Variants in TTC28 observed in about 807,000 individuals in gnomAD.
The protein encoded by TTC28 is tetratricopeptide repeat protein 28.
TTC28 carries 61 observed loss-of-function variants against 198.0 expected under a neutral mutation model. That is an observed-to-expected ratio of 0.31 (90% confidence interval 0.25 to 0.38). TTC28 has a LOEUF of 0.38. Among genes scored for constraint, TTC28 ranks in the 10% least tolerant of loss-of-function variants. The probability of loss-of-function intolerance (pLI) is 1.00; values close to 1 mark genes in which losing one functional copy is unlikely to be tolerated. For synonymous variants in TTC28, 1,171 were observed against 1,297.8 expected (o/e 0.90, Z 2.10); for missense variants, 2,678 against 3,164.0 (o/e 0.85, Z 3.69).
At chr22:28,151,952 C>T (rs1296849276) in intron 6 of TTC28, among the ~76,000 whole-genome samples, 1 of 152,194 alleles carries the variant, frequency 6.6e-6, no homozygotes, top group East Asian at 1.9e-4. Flanking sequence ...CTTGTCTATG[C>T]CTCTCAAGTA....
chr22:28,181,639 C>T (rs540913537), intron 5 of TTC28, among the ~76,000 whole-genome samples: 3 of 152,260 alleles, frequency 2.0e-5, no homozygotes, highest in Non-Finnish European at 4.4e-5. Context: ...CTGCTACTTC[C>T]TCCTGAAGGA....
intron 2 of TTC28, among the ~76,000 whole-genome samples, chr22:28,327,934 AC>A (rs1407974384): frequency 6.6e-6 from 1 of 152,244 alleles, no homozygotes; most frequent in Non-Finnish European, 1.5e-5. Flanking sequence ...TATGTGCCTG[AC>A]AGCTCAGTGG....
intron 2 of TTC28, among the ~76,000 whole-genome samples, chr22:28,518,482 G>A (rs2048835944): frequency 6.6e-6 from 1 of 152,072 alleles, no homozygotes; most frequent in South Asian, 2.1e-4. Flanking sequence ...CAGGGATGGT[G>A]GCACACACCT....
chr22:28,633,519 T>C (rs2051214762), intron 1 of TTC28, among the ~76,000 whole-genome samples: 1 of 151,806 alleles, frequency 6.6e-6, no homozygotes, highest in East Asian at 1.9e-4. Flanking sequence ...TCCCAGCTAC[T>C]TGGGAGACTG....
At chr22:27,992,778 G>T in intron 18 of TTC28, 115 bp from the exon 19 acceptor site, 1 of 918,414 alleles carries the variant, frequency 1.1e-6, no homozygotes, top group Non-Finnish European at 1.6e-6. Context: ...TTTTTCAGAA[G>T]CTCAGCACAG....
At chr22:28,158,458 C>G (rs1943804903) in intron 6 of TTC28, among the ~76,000 whole-genome samples, 1 of 152,096 alleles carries the variant, frequency 6.6e-6, no homozygotes, top group Non-Finnish European at 1.5e-5. Flanking sequence ...CCAAAGCTAT[C>G]CTAAGGAAAA....
At position 28,393,128 on chromosome 22, in the gene TTC28, C is replaced by T. The variant is rs149100362; in HGVS notation, c.382-86485G>A. 6.4e-3 allele frequency among the ~76,000 whole-genome samples: 970 copies of T among 152,142 alleles called. 10 individuals carry two copies. The highest frequency in any genetic ancestry group is 0.048 in the Middle Eastern group (14 of 294). On this transcript the variant is annotated intron_variant, in intron 2 of 22. Coordinates refer to ENST00000397906, the MANE Select transcript of TTC28 (RefSeq NM_001145418.2). ...AAACTCCTGGGCTCAAGCAATCCTC[C>T]GACCTTGGCCTCTCAAAATGCTGGG...
chr22:28,341,382 G>T (rs948886156), intron 2 of TTC28, among the ~76,000 whole-genome samples: 5 of 152,088 alleles, frequency 3.3e-5, no homozygotes, highest in Non-Finnish European at 5.9e-5. Context: ...TTTTTGGCTG[G>T]GGGTAATGCC....
intron 12 of TTC28, among the ~76,000 whole-genome samples, chr22:28,043,581 G>A (rs1317870738): frequency 1.3e-5 from 2 of 152,124 alleles, no homozygotes; most frequent in Non-Finnish European, 2.9e-5. Context: ...GCTGAGCAGT[G>A]ATGAGAACCA....
chr22:28,249,706 C>CGTT (rs1930376897), intron 5 of TTC28, among the ~76,000 whole-genome samples: 2 of 152,234 alleles, frequency 1.3e-5, no homozygotes, highest in South Asian at 4.1e-4. Flanking sequence ...ATGCCCTCCA[C>CGTT]GTTGCCTTGA....
At chr22:28,419,665 A>C (rs557828314) in intron 2 of TTC28, among the ~76,000 whole-genome samples, 2 of 152,240 alleles carry the variant, frequency 1.3e-5, no homozygotes, top group Non-Finnish European at 2.9e-5. Flanking sequence ...TGGTATGTCT[A>C]CATGCTAATT....
chr22:28,008,390 CAT>C (rs1482354320), intron 14 of TTC28: 3 of 152,222 alleles, frequency 2.0e-5, no homozygotes, highest in East Asian at 1.9e-4. Context: ...GCCTAACAGA[CAT>C]AAACAAGTTT....
intron 2 of TTC28, among the ~76,000 whole-genome samples, chr22:28,456,150 C>G (rs1028990459): frequency 6.8e-6 from 1 of 146,356 alleles, no homozygotes; most frequent in Non-Finnish European, 1.5e-5. Flanking sequence ...CAGTGCGAGA[C>G]TCTGTCTCAG....
intron 2 of TTC28, among the ~76,000 whole-genome samples, chr22:28,535,032 CAT>C (rs1254330243): frequency 3.3e-5 from 5 of 151,948 alleles, no homozygotes; most frequent in Admixed American, 6.6e-5. Flanking sequence ...ACATTGTACA[CAT>C]GTGTACACCC....
intron 6 of TTC28, among the ~76,000 whole-genome samples, chr22:28,136,215 G>A (rs1288333118): frequency 6.6e-6 from 1 of 152,140 alleles, no homozygotes; most frequent in Non-Finnish European, 1.5e-5. Context: ...TGTGATCATA[G>A]CTCATTCTAG....
At chr22:28,430,354 C>T (rs540619945) in intron 2 of TTC28, among the ~76,000 whole-genome samples, 1 of 152,188 alleles carries the variant, frequency 6.6e-6, no homozygotes, top group Admixed American at 6.5e-5. Context: ...TTTGGAAATA[C>T]AGGAGAGATT....
chr22:28,460,342 A>T lies in TTC28; in HGVS notation c.382-153699T>A, dbSNP rs539113885. Among the ~76,000 whole-genome samples, 10 of 152,240 alleles carry T rather than the reference A, an allele frequency of 6.6e-5. No homozygotes were observed. In the South Asian group the frequency reaches 2.1e-3, roughly 32 times the overall value. ...TATATTGTGGTAAAAATGCAAGGAG[A>T]TAGAAGGATATAAAATAAAAATTAA... On this transcript the variant is annotated intron_variant, in intron 2 of 22. Coordinates refer to ENST00000397906, the MANE Select transcript of TTC28 (RefSeq NM_001145418.2).
chr22:28,655,086 C>A (rs1402556922), intron 1 of TTC28, among the ~76,000 whole-genome samples: 1 of 152,112 alleles, frequency 6.6e-6, no homozygotes, highest in African/African-American at 2.4e-5. Context: ...TGTATTTGAA[C>A]CTAAATGCAG....
At chr22:28,613,394 T>A (rs1179794715) in intron 2 of TTC28, among the ~76,000 whole-genome samples, 2 of 152,226 alleles carry the variant, frequency 1.3e-5, no homozygotes, top group Admixed American at 6.5e-5. Flanking sequence ...GTACCATTCC[T>A]TCTGAAACTA....
Sources: gnomAD v4.1 joint callset for allele counts (sites outside exome capture counted in the v4.1 genomes callset) on GRCh38, gnomAD v4.1.1 for gene constraint, MANE v1.5 for transcripts, NCBI Gene and HGNC (gene_info 2026-07-23, HGNC 2026-07-21) for gene names.